The following ACOT11 variants were observed in gnomAD, a reference collection of about 807,000 sequenced individuals.
ACOT11 encodes acyl-coenzyme A thioesterase 11.
ACOT11 carries 69 observed loss-of-function variants against 77.5 expected under a neutral mutation model. The ratio of observed to expected loss-of-function variants is 0.89; its 90% CI spans 0.73 to 1.09. The LOEUF is 1.09. ACOT11 is among the 50% of genes least tolerant of loss of function. The probability of loss-of-function intolerance (pLI) is 0.00; values close to 1 mark genes in which losing one functional copy is unlikely to be tolerated. For missense variants in ACOT11, 766 were observed against 813.7 expected, an observed-to-expected ratio of 0.94 and a Z score of 0.71; for synonymous variants, 279 against 313.0, an observed-to-expected ratio of 0.89 and a Z score of 1.15.
At position 54,616,014 on chromosome 1, in the gene ACOT11, C is replaced by A. The variant is rs748308425; in HGVS notation, c.1629+7946C>A. Reference sequence around the variant, plus strand: ...GGCCGGAGAGGGTTTCCAGAGAGGCCCTTACCCTTTTGGGAAGAGCCCAGC... The same window carrying A: ...GGCCGGAGAGGGTTTCCAGAGAGGCACTTACCCTTTTGGGAAGAGCCCAGC... On this transcript the variant is annotated intron_variant, in intron 15 of 16. Coordinates refer to the ACOT11 transcript ENST00000371316. 3 of 1,613,260 alleles carry A rather than the reference C, an allele frequency of 1.9e-6. No homozygotes were observed. The South Asian group carries it at 3.3e-5, about 18-fold the overall frequency.
Position 54,609,171 on chromosome 1 carries a change from A to G in ACOT11, c.*59A>G, listed in dbSNP as rs1479546294. On this transcript the variant is annotated 3_prime_UTR_variant, in exon 16 of 16. Coordinates refer to ENST00000343744, the MANE Select transcript of ACOT11 (RefSeq NM_147161.4). Reference sequence around the variant, plus strand: ...CTCCATCCTGTCCCCAAGGACTCACATACAGTGCCTGGAGAAAGCCAAAGA... The same window carrying G: ...CTCCATCCTGTCCCCAAGGACTCACGTACAGTGCCTGGAGAAAGCCAAAGA... 8.7e-6 allele frequency: 14 copies of G among 1,609,694 alleles called. No homozygotes were observed. Among genetic ancestry groups the G allele is most frequent in the Non-Finnish European group, 1.2e-5 (14 of 1,177,700 alleles).
intron 3 of ACOT11, among the ~76,000 whole-genome samples, chr1:54,588,473 C>T (rs1401849067): frequency 6.6e-6 from 1 of 152,096 alleles, no homozygotes; most frequent in African/African-American, 2.4e-5. Context: ...GAAGGTGGTA[C>T]AGCTAATGGA....
At chr1:54,576,241 G>A (rs555599920) in intron 1 of ACOT11, among the ~76,000 whole-genome samples, 1 of 152,266 alleles carries the variant, frequency 6.6e-6, no homozygotes, top group South Asian at 2.1e-4. Flanking sequence ...CTGAAATGCA[G>A]GATTTGGGGC....
chr1:54,604,035 A>T (rs778920420), intron 11 of ACOT11, 98 bp downstream of exon 11: 9 of 1,146,020 alleles, frequency 7.9e-6, no homozygotes, highest in Non-Finnish European at 1.2e-5. Flanking sequence ...CGGGGAGAGC[A>T]GGATATGAAT....
At chr1:54,561,043 G>A (rs1451208707) in intron 1 of ACOT11, among the ~76,000 whole-genome samples, 3 of 151,914 alleles carry the variant, frequency 2.0e-5, no homozygotes, top group East Asian at 3.9e-4. Flanking sequence ...TGGGATTACA[G>A]GTGTGAGCCA....
intron 1 of ACOT11, among the ~76,000 whole-genome samples, chr1:54,568,054 C>T (rs6672495): frequency 0.051 from 7,826 of 152,236 alleles, 310 homozygotes; most frequent in East Asian, 0.16. Flanking sequence ...TCTGTCCCAA[C>T]ACGTCCCTGT....
downstream of ACOT11, chr1:54,610,643 A>T (rs1288809294): frequency 6.5e-7 from 1 of 1,537,632 alleles, no homozygotes; most frequent in Non-Finnish European, 8.8e-7. Flanking sequence ...CCACAGCTCT[A>T]CGGGCATCCT....
intron 7 of ACOT11, chr1:54,598,080 C>T (rs1292877700): frequency 6.5e-6 from 1 of 152,794 alleles, no homozygotes; most frequent in African/African-American, 2.4e-5. Context: ...CCCTTTCCAG[C>T]CAGGTGGATT....
At chr1:54,599,260 G>A in intron 7 of ACOT11, 36 bp from the exon 8 acceptor site, 2 of 1,376,940 alleles carry the variant, frequency 1.5e-6, no homozygotes, top group Non-Finnish European at 1.9e-6. Flanking sequence ...AAGCACCAGG[G>A]GCATTCCTTC....
intron 1 of ACOT11, among the ~76,000 whole-genome samples, chr1:54,568,358 CTTTTTTTTTTTTT>C (rs71045196): frequency 3.7e-5 from 3 of 80,556 alleles, no homozygotes; most frequent in South Asian, 5.2e-4. Context: ...TTCCCAGCAC[CTTTTTTTTTTTTT>C]TTTTTTTTTT....
At chr1:54,630,700 C>G in intron 15 of ACOT11, 1 of 655,006 alleles carries the variant, frequency 1.5e-6, no homozygotes, top group Non-Finnish European at 2.8e-6. Flanking sequence ...CTTCACACCT[C>G]TATATTTCTC....
At chr1:54,595,386 A>G (rs939859299) in intron 6 of ACOT11, among the ~76,000 whole-genome samples, 3 of 152,168 alleles carry the variant, frequency 2.0e-5, no homozygotes, top group African/African-American at 7.2e-5. Context: ...TAAAACATGT[A>G]AAAAGCATAT....
chr1:54,609,985 T>C lies in ACOT11; in HGVS notation c.*873T>C. 1 of 1,569,084 alleles carries C rather than the reference T, an allele frequency of 6.4e-7. No homozygotes were observed. Among genetic ancestry groups the C allele is most frequent in the Non-Finnish European group, 8.6e-7 (1 of 1,163,154 alleles). ...GCAACAGTGTTTAGGATTTGGGTTA[T>C]CATAAGGTGTTAAGAGTCCCTTGTT... is the stretch of plus-strand genomic sequence containing the variant. On this transcript the variant is annotated 3_prime_UTR_variant, in exon 16 of 16. Coordinates refer to ENST00000343744, the MANE Select transcript of ACOT11 (RefSeq NM_147161.4).
chr1:54,551,851 G>A (rs575507754), intron 1 of ACOT11, among the ~76,000 whole-genome samples: 4 of 152,236 alleles, frequency 2.6e-5, no homozygotes, highest in South Asian at 2.1e-4. Context: ...CTGGATTCAA[G>A]GAATTCTCCT....
exon 17 of ACOT11, chr1:54,638,759 C>G (rs1347382837): frequency 2.0e-5 from 3 of 152,074 alleles, no homozygotes; most frequent in African/African-American, 7.3e-5. Context: ...AAGTGATCCT[C>G]CTGCCTTGGA....
intron 1 of ACOT11, among the ~76,000 whole-genome samples, chr1:54,576,491 T>TAAAAAA (rs71581820): frequency 2.8e-4 from 19 of 68,320 alleles, no homozygotes; most frequent in East Asian, 7.3e-4. Flanking sequence ...GAGCAAGATC[T>TAAAAAA]AAAAAAAAAA....
At chr1:54,614,624 C>A, downstream of ACOT11, 1 of 1,471,418 alleles carries the variant, frequency 6.8e-7, no homozygotes, top group South Asian at 1.3e-5. Context: ...TCAGAGGTCC[C>A]CTAAGATCCC....
rs1454286303 is a variant in ACOT11, at chr1:54,605,346, G to C, written c.1370+137G>C. 7.2e-5 allele frequency: 97 copies of C among 1,348,142 alleles called. 1 individual carries two copies. The highest frequency in any genetic ancestry group is 8.5e-5 in the Non-Finnish European group (87 of 1,018,162). The allele number at this position is 1,348,142 out of a possible 1,614,324, so 83.5% of individuals were successfully genotyped here. On this transcript the variant is annotated intron_variant, in intron 13 of 15. Coordinates refer to ENST00000343744, the MANE Select transcript of ACOT11 (RefSeq NM_147161.4). The stretch of plus-strand genomic sequence containing the variant: ...GGTGGGTTGGAGTTCCATGCTGGGT[G>C]GGGGTTCAGGGTCATGGGTATTTTG...
In ACOT11 at chr1:54,597,370, G is replaced by T. The variant is rs779287804; in HGVS notation, c.719G>T (p.Gly240Val). Residue 240 changes from glycine to valine, a missense_variant, in exon 7 of 16, where the codon GGC (glycine) becomes GTC (valine). By Grantham distance (109) the Gly-to-Val change is moderately radical. Transcript: ENST00000343744. ...AATCACCAGGGCAACACCTTTGGGG[G>T]CCAGATCATGGCCTGGATGGAGAAT... ...HANHQGNTFG[G>V]QIMAWMENVA... 4.3e-6 allele frequency: 7 copies of T among 1,613,646 alleles called. No homozygotes were observed. The highest frequency in any genetic ancestry group is 1.6e-4 in the Middle Eastern group (1 of 6,084).
Sources: gnomAD v4.1 joint callset for allele counts (sites outside exome capture counted in the v4.1 genomes callset) on GRCh38, gnomAD v4.1.1 for gene constraint, MANE v1.5 for transcripts, NCBI Gene and HGNC (gene_info 2026-07-23, HGNC 2026-07-21) for gene names.